Variants in SORCS3 observed in about 807,000 individuals in gnomAD.
SORCS3 encodes sortilin related VPS10 domain containing receptor 3.
A neutral mutation model predicts 146.3 loss-of-function variants in SORCS3; 57 were observed. The observed-to-expected ratio is 0.39, with a 90% CI of 0.31 to 0.49. The LOEUF is 0.49. Ranked by LOEUF, SORCS3 falls within the 20% of genes least tolerant of loss-of-function variation. The probability of loss-of-function intolerance (pLI) is 0.92; values close to 1 mark genes in which losing one functional copy is unlikely to be tolerated. For missense variants in SORCS3, 1,341 were observed against 1,575.5 expected (o/e 0.85, Z 2.52); for synonymous variants, 653 against 618.5 (o/e 1.06, Z -0.83).
Position 104,837,851 on chromosome 10 carries a change from G to A in SORCS3, c.628-4941G>A, listed in dbSNP as rs145557719. 4.5e-4 allele frequency among the ~76,000 whole-genome samples: 68 copies of A among 152,174 alleles called. No individual in the cohort carries two copies. The East Asian group carries it at 8.3e-3, about 19-fold the overall frequency. On this transcript the variant is annotated intron_variant, in intron 1 of 26. Coordinates refer to ENST00000369701, the MANE Select transcript of SORCS3 (RefSeq NM_014978.3). ...TGCATTCCTATTCATTGCCTTGCAC[G>A]GAAGCCCACATAAACACTTACTGAG...
rs1037890982 is a variant in SORCS3 at position 105,171,308 on chromosome 10, C to G, written c.1901+3959C>G. The stretch of plus-strand genomic sequence containing the variant: ...ACTTTTGGATGCATTGAGATTAGAA[C>G]TAAGTGCTATTTCAGGGAAACCCTC... On this transcript the variant is annotated intron_variant, in intron 13 of 26. Coordinates refer to ENST00000369701, the MANE Select transcript of SORCS3 (RefSeq NM_014978.3). Among the ~76,000 whole-genome samples the G allele has an allele frequency of 2.0e-5, 3 of 152,154 alleles. No homozygotes were observed. In the East Asian group the frequency reaches 5.8e-4, roughly 29 times the overall value.
At chr10:105,177,233 G>T (rs1321135701) in intron 13 of SORCS3, among the ~76,000 whole-genome samples, 1 of 152,056 alleles carries the variant, frequency 6.6e-6, no homozygotes, top group African/African-American at 2.4e-5. Context: ...TTAAGAATCA[G>T]CCAGAACAAA....
intron 23 of SORCS3, among the ~76,000 whole-genome samples, chr10:105,254,378 T>C (rs1359080673): frequency 6.6e-6 from 1 of 152,192 alleles, no homozygotes; most frequent in Non-Finnish European, 1.5e-5. Flanking sequence ...AGCAGTGAAT[T>C]AGGAGTTGAA....
intron 1 of SORCS3, among the ~76,000 whole-genome samples, chr10:104,720,893 T>G (rs2016539961): frequency 6.6e-6 from 1 of 152,232 alleles, no homozygotes; most frequent in South Asian, 2.1e-4. Context: ...ATCAGATGTA[T>G]AGATTGCAAA....
intron 4 of SORCS3, among the ~76,000 whole-genome samples, chr10:104,995,295 G>T (rs1756048832): frequency 6.6e-6 from 1 of 151,686 alleles, no homozygotes; most frequent in Non-Finnish European, 1.5e-5. Flanking sequence ...GAGTAGCTGG[G>T]ATCACAGGTG....
chr10:104,687,623 G>A (rs981167461), intron 1 of SORCS3, among the ~76,000 whole-genome samples: 1 of 152,092 alleles, frequency 6.6e-6, no homozygotes, highest in African/African-American at 2.4e-5. Context: ...GAGCAGGGCA[G>A]AAGAGAAGAA....
At chr10:104,690,899 C>T (rs1042783317) in intron 1 of SORCS3, among the ~76,000 whole-genome samples, 1 of 152,208 alleles carries the variant, frequency 6.6e-6, no homozygotes, top group Non-Finnish European at 1.5e-5. Context: ...TGTTTGGATA[C>T]AGATTTTACA....
At chr10:105,195,735 G>A (rs901498648) in intron 14 of SORCS3, among the ~76,000 whole-genome samples, 18 of 152,190 alleles carry the variant, frequency 1.2e-4, no homozygotes, top group African/African-American at 3.9e-4. Context: ...CTGACAATGG[G>A]TGGATCGATG....
At chr10:104,826,418 C>G (rs1357853625) in intron 1 of SORCS3, among the ~76,000 whole-genome samples, 1 of 152,118 alleles carries the variant, frequency 6.6e-6, no homozygotes, top group Admixed American at 6.6e-5. Context: ...GTGTTACAGT[C>G]CACCACAATA....
At chr10:104,995,915 T>G (rs539868425) in intron 4 of SORCS3, among the ~76,000 whole-genome samples, 1 of 152,342 alleles carries the variant, frequency 6.6e-6, no homozygotes, top group Admixed American at 6.5e-5. Context: ...TAATCAACTT[T>G]GAGTTAAATT....
rs79329781 is a variant in SORCS3 at position 105,090,978 on chromosome 10, G to T, written c.1093+1139G>T. ...ATGCATGCCAGAAATGTGCATTTGG[G>T]GGAATATGTTTTATATGATTTATTT... On this transcript the variant is annotated intron_variant, in intron 6 of 26. Transcript: ENST00000369701. Among the ~76,000 whole-genome samples, 616 of 152,212 alleles carry T rather than the reference G, an allele frequency of 4.0e-3. 4 individuals carry two copies. The highest frequency in any genetic ancestry group is 0.014 in the African/African-American group (594 of 41,534).
chr10:105,081,504 C>T (rs2055625112), intron 5 of SORCS3, among the ~76,000 whole-genome samples: 1 of 152,204 alleles, frequency 6.6e-6, no homozygotes, highest in African/African-American at 2.4e-5. Context: ...GCGTCCAGCT[C>T]TCTTGAGGAC....
intron 20 of SORCS3, among the ~76,000 whole-genome samples, chr10:105,225,990 A>G (rs1279389088): frequency 6.6e-6 from 1 of 151,876 alleles, no homozygotes; most frequent in East Asian, 1.9e-4. Context: ...TTCTAAATAT[A>G]CATCAGCAAC....
Position 105,201,178 on chromosome 10 carries a change from A to G in SORCS3, c.2186A>G (p.Gln729Arg). 1 of 1,612,690 alleles carries G rather than the reference A, an allele frequency of 6.2e-7. No homozygotes were observed. The highest frequency in any genetic ancestry group is 1.3e-5 in the African/African-American group (1 of 75,008). Residue 729 changes from glutamine to arginine, a missense_variant, in exon 16 of 27, where the codon CAG (glutamine) becomes CGG (arginine). By Grantham distance (43) the Gln-to-Arg change is conservative (BLOSUM62 1). Coordinates refer to ENST00000369701, the MANE Select transcript of SORCS3 (RefSeq NM_014978.3). Reference protein sequence around the residue: ...KIFKKRKPGAQCALGRDHSGS... With the variant: ...KIFKKRKPGARCALGRDHSGS... Reference sequence around the variant, plus strand: ...TTCAAGAAACGTAAGCCAGGAGCTCAGTGTGCCCTGGGCCGAGACCACTCA... The same window carrying G: ...TTCAAGAAACGTAAGCCAGGAGCTCGGTGTGCCCTGGGCCGAGACCACTCA...
chr10:105,158,906 A>G lies in SORCS3; in HGVS notation c.1644A>G (p.Leu548=). The G allele has an allele frequency of 6.2e-7, 1 of 1,612,360 alleles. No individual in the cohort carries two copies. ...PVHCLLPFCS[L]HLHLQLSENP... ...CTCCATTTTAGCCCTTCTGTTCCTT[A>G]CATCTGCACCTGCAACTCTCTGAAA... Residue 548 remains leucine (L), a synonymous_variant, in exon 11 of 27, where the codon TTA becomes TTG. Transcript: ENST00000369701.
chr10:105,061,617 A>G (rs12762913), intron 5 of SORCS3, among the ~76,000 whole-genome samples: 19,628 of 148,316 alleles, frequency 0.13, 1,543 homozygotes, highest in Middle Eastern at 0.18. Context: ...ATAGACCTCC[A>G]AATAGAGAGT....
chr10:104,653,872 C>A (rs187775095), intron 1 of SORCS3, among the ~76,000 whole-genome samples: 122 of 152,072 alleles, frequency 8.0e-4, no homozygotes, highest in Non-Finnish European at 1.2e-3. Flanking sequence ...CTCTAGTCAC[C>A]CTTTTGTGCT....
At chr10:105,184,723 G>A (rs1414322237) in intron 14 of SORCS3, among the ~76,000 whole-genome samples, 2 of 152,146 alleles carry the variant, frequency 1.3e-5, no homozygotes, top group South Asian at 2.1e-4. Context: ...GGATGTATAT[G>A]TACAACCATG....
intron 2 of SORCS3, among the ~76,000 whole-genome samples, chr10:104,848,351 C>T (rs1002319328): frequency 6.6e-6 from 1 of 152,008 alleles, no homozygotes; most frequent in African/African-American, 2.4e-5. Context: ...AAATGGAGAC[C>T]TTTTGAATTT....
Sources: gnomAD v4.1 joint callset for allele counts (sites outside exome capture counted in the v4.1 genomes callset) on GRCh38, gnomAD v4.1.1 for gene constraint, MANE v1.5 for transcripts, NCBI Gene and HGNC (gene_info 2026-07-23, HGNC 2026-07-21) for gene names.